The following KAT6B variants were observed in gnomAD, a reference collection of about 807,000 sequenced individuals.
KAT6B encodes the protein lysine acetyltransferase 6B.
A neutral mutation model predicts 187.5 loss-of-function variants in KAT6B; 10 were observed. That is an observed-to-expected ratio of 0.05 (90% CI 0.03 to 0.09). The LOEUF is 0.09. KAT6B is among the 10% of genes least tolerant of loss of function. The pLI, the probability that KAT6B is intolerant of heterozygous loss-of-function variation, is 1.00. For synonymous variants in KAT6B, 861 were observed against 926.8 expected (o/e 0.93, Z 1.29); for missense variants, 1,952 against 2,558.9 (o/e 0.76, Z 5.12).
chr10:75,007,863 T>G (rs1844329166), intron 13 of KAT6B, among the ~76,000 whole-genome samples: 1 of 152,216 alleles, frequency 6.6e-6, no homozygotes, highest in South Asian at 2.1e-4. Context: ...TAGTCATGTT[T>G]TAAAGAGAGA....
rs1270366042 is a variant in KAT6B, at chr10:75,025,127, A to G, written c.3542A>G (p.Glu1181Gly). The G allele has an allele frequency of 6.2e-7, 1 of 1,614,144 alleles. No individual in the cohort carries two copies. The highest frequency in any genetic ancestry group is 8.5e-7 in the Non-Finnish European group (1 of 1,180,048). ...QLEPTCEIEVEEDGRKPVLRK... is the reference protein window; with the variant it reads ...QLEPTCEIEVGEDGRKPVLRK... ...GAGCCTACCTGTGAGATTGAAGTGG[A>G]GGAAGATGGCAGGAAGCCAGTCCTG... Residue 1181 changes from glutamate to glycine, a missense_variant, in exon 17 of 18, where the codon GAG (glutamate) becomes GGG (glycine). Transcript: ENST00000287239.
intron 13 of KAT6B, among the ~76,000 whole-genome samples, chr10:75,018,541 C>T (rs1221639704): frequency 3.9e-5 from 6 of 152,166 alleles, no homozygotes; most frequent in Admixed American, 3.3e-4. Flanking sequence ...CTGCGGAAAG[C>T]GTGGGTTTTC....
upstream of KAT6B, among the ~76,000 whole-genome samples, chr10:74,826,215 T>G (rs1175112655): frequency 6.7e-6 from 1 of 149,972 alleles, no homozygotes; most frequent in South Asian, 2.1e-4. Context: ...GCTCCTCTGC[T>G]GCGAGTAGAC....
At chr10:74,959,864 A>C (rs1840970465) in intron 3 of KAT6B, 106 bp from the exon 4 acceptor site, 2 of 773,982 alleles carry the variant, frequency 2.6e-6, no homozygotes, top group Admixed American at 4.4e-5. Flanking sequence ...TTCTTTGTTA[A>C]AGAAAGAAGA....
At position 75,030,175 on chromosome 10, in the gene KAT6B, T is replaced by A; in HGVS notation, c.5351T>A (p.Ile1784Asn). Reference protein sequence around the residue: ...NFTPPMQLAEIPETSNANIGL... With the variant: ...NFTPPMQLAENPETSNANIGL... ...ACCCCACCCATGCAGCTGGCTGAAA[T>A]CCCCGAGACGAGCAACGCCAACATT... Residue 1784 changes from isoleucine (I) to asparagine (N), a missense_variant, in exon 18 of 18, where the codon ATC becomes AAC. Transcript: ENST00000287239. This position sits in a 1 kb window ranked among gnomAD's most constrained non-coding sequence, Gnocchi z 4.8. 1 of 1,614,130 alleles carries A rather than the reference T, an allele frequency of 6.2e-7. No homozygotes were observed.
chr10:75,007,832 G>A lies in KAT6B; in HGVS notation c.2630-12750G>A, dbSNP rs370330361. On this transcript the variant is annotated intron_variant, in intron 13 of 17. Transcript: ENST00000287239. ...AACTCTTGAAACTGAAAACTTACTCGATTTATTGGTGGCATCCTACTAGTC... is the reference window on the plus strand; with the variant it reads ...AACTCTTGAAACTGAAAACTTACTCAATTTATTGGTGGCATCCTACTAGTC... Among the ~76,000 whole-genome samples the A allele has an allele frequency of 3.4e-4, 52 of 152,216 alleles. 1 individual carries two copies. In the South Asian group the frequency reaches 8.9e-3, roughly 26 times the overall value.
intron 3 of KAT6B, among the ~76,000 whole-genome samples, chr10:74,866,018 T>A (rs934249380): frequency 6.6e-6 from 1 of 152,108 alleles, no homozygotes; most frequent in Non-Finnish European, 1.5e-5. Context: ...AGAGGGCTGA[T>A]TTTTTGTCTC....
In KAT6B at chr10:74,975,900, T is replaced by G. The variant is rs1842126906; in HGVS notation, c.1563T>G (p.Ser521Arg). Reference protein sequence around the residue: ...STATSSPSPQSSSSQCSVPSL... With the variant: ...STATSSPSPQRSSSQCSVPSL... ...CCACTTCTTCTCCCTCTCCCCAGAG[T>G]TCTTCCAGCCAGTGCAGTGTGCCCT... is the stretch of plus-strand genomic sequence containing the variant. The change falls in exon 8 of 18, where the codon AGT becomes AGG. Residue 521 changes from serine to arginine, a missense_variant. Ser to Arg is a moderately radical substitution (Grantham distance 110). Around this residue, in one of 9 missense-constraint regions of KAT6B, gnomAD observed 417 missense variants for 508.9 expected, o/e 0.82. Coordinates refer to ENST00000287239, the MANE Select transcript of KAT6B (RefSeq NM_012330.4). The G allele has an allele frequency of 1.2e-6, 2 of 1,613,816 alleles. No homozygotes were observed. The highest frequency in any genetic ancestry group is 2.7e-5 in the African/African-American group (2 of 74,856).
intron 3 of KAT6B, 131 bp downstream of exon 3, chr10:74,843,609 C>CT: frequency 8.7e-7 from 1 of 1,150,270 alleles, no homozygotes; most frequent in East Asian, 2.4e-5. Context: ...TTAGAGCAGG[C>CT]TTTTGTATTT....
At chr10:75,018,991 T>C (rs1394599661) in intron 13 of KAT6B, among the ~76,000 whole-genome samples, 1 of 152,132 alleles carries the variant, frequency 6.6e-6, no homozygotes, top group Non-Finnish European at 1.5e-5. Context: ...TATTCTGAGG[T>C]GTGGGCTCCC....
intron 1 of KAT6B, among the ~76,000 whole-genome samples, chr10:74,833,186 T>A (rs1010811465): frequency 6.6e-6 from 1 of 151,756 alleles, no homozygotes; most frequent in Non-Finnish European, 1.5e-5. Flanking sequence ...AATACATTAT[T>A]CTCGGTCTTT....
chr10:74,949,176 G>A (rs1319149652), intron 3 of KAT6B, among the ~76,000 whole-genome samples: 1 of 152,196 alleles, frequency 6.6e-6, no homozygotes, highest in African/African-American at 2.4e-5. Context: ...AAAGAGAATA[G>A]TTTGTAAATC....
intron 17 of KAT6B, chr10:75,026,051 T>C (rs1005927509): frequency 4.0e-5 from 6 of 151,464 alleles, no homozygotes; most frequent in African/African-American, 1.5e-4. Context: ...TCCCAGCTAC[T>C]TGGGAGGCTG....
At chr10:74,927,037 A>G (rs183137862) in intron 3 of KAT6B, among the ~76,000 whole-genome samples, 4 of 152,372 alleles carry the variant, frequency 2.6e-5, no homozygotes, top group Non-Finnish European at 5.9e-5. Context: ...AATCAACATT[A>G]TTATTACTGC....
chr10:74,834,536 A>T (rs143775620), intron 1 of KAT6B, among the ~76,000 whole-genome samples: 178 of 150,596 alleles, frequency 1.2e-3, no homozygotes, highest in African/African-American at 3.8e-3. Flanking sequence ...TGTCTTTTTT[A>T]GAGACAGAGT....
chr10:74,954,748 C>T lies in KAT6B; in HGVS notation c.622-5222C>T, dbSNP rs75409269. ...GTTCACACATTGTGATTGGCTGATA[C>T]GCCCTTTAAATGTCTATTAATCTAG... On this transcript the variant is annotated intron_variant, in intron 3 of 17. Coordinates refer to ENST00000287239, the MANE Select transcript of KAT6B (RefSeq NM_012330.4). 9.1e-3 allele frequency among the ~76,000 whole-genome samples: 1,387 copies of T among 152,268 alleles called. 21 individuals carry two copies. Among genetic ancestry groups the T allele is most frequent in the African/African-American group, 0.032 (1,322 of 41,526 alleles).
At chr10:74,865,616 A>C (rs1358151504) in intron 3 of KAT6B, among the ~76,000 whole-genome samples, 1 of 151,922 alleles carries the variant, frequency 6.6e-6, no homozygotes, top group African/African-American at 2.4e-5. Context: ...CCCAGGCTCA[A>C]GCGATTCTCC....
upstream of KAT6B, among the ~76,000 whole-genome samples, chr10:74,826,157 G>A (rs1840196854): frequency 1.3e-5 from 2 of 152,080 alleles, no homozygotes; most frequent in Admixed American, 1.3e-4. Context: ...GGGGAGGGGA[G>A]AGGGAAAAGG....
intron 13 of KAT6B, among the ~76,000 whole-genome samples, chr10:75,016,063 C>T (rs912174351): frequency 6.6e-5 from 10 of 152,160 alleles, no homozygotes; most frequent in African/African-American, 1.9e-4. Context: ...TTTCAATGAG[C>T]GTTAACATTA....
Sources: gnomAD v4.1 joint callset for allele counts (sites outside exome capture counted in the v4.1 genomes callset) on GRCh38, gnomAD v4.1.1 for gene constraint, gnomAD v4.1.1 regional missense constraint, Gnocchi (gnomAD v3.1) non-coding constraint, MANE v1.5 for transcripts, NCBI Gene and HGNC (gene_info 2026-07-23, HGNC 2026-07-21) for gene names.